Variants in NTM observed in about 807,000 individuals in gnomAD.
NTM encodes IgLON family member 2.
A neutral mutation model predicts 42.1 loss-of-function variants in NTM; 13 were observed. The ratio of observed to expected loss-of-function variants is 0.31; its 90% CI spans 0.20 to 0.49. NTM has a LOEUF of 0.49. Ranked by LOEUF, NTM falls within the 20% of genes least tolerant of loss-of-function variation. NTM has a pLI of 0.99. For missense variants in NTM, 373 were observed against 452.8 expected, an observed-to-expected ratio of 0.82 and a Z score of 1.60; for synonymous variants, 187 against 179.2, an observed-to-expected ratio of 1.04 and a Z score of -0.35.
intron 1 of NTM, among the ~76,000 whole-genome samples, chr11:131,469,315 T>G (rs1952196061): frequency 1.3e-5 from 2 of 152,354 alleles, no homozygotes; most frequent in South Asian, 2.1e-4. Context: ...TTATCTCACT[T>G]AATTCTCAGG....
At chr11:131,905,491 C>T (rs2053742161) in intron 1 of NTM, among the ~76,000 whole-genome samples, 1 of 152,120 alleles carries the variant, frequency 6.6e-6, no homozygotes, top group Non-Finnish European at 1.5e-5. Context: ...GTGCTGTCTT[C>T]TGCCATCCAC....
At chr11:131,929,486 T>C (rs898278737) in intron 2 of NTM, among the ~76,000 whole-genome samples, 10 of 149,588 alleles carry the variant, frequency 6.7e-5, no homozygotes, top group Non-Finnish European at 1.5e-4. Context: ...CTGTAACTTA[T>C]TGCCCTTATA....
intron 4 of NTM, among the ~76,000 whole-genome samples, chr11:132,226,890 T>C (rs1034009905): frequency 1.3e-5 from 2 of 152,234 alleles, no homozygotes; most frequent in East Asian, 3.8e-4. Context: ...GGGCTGCTGG[T>C]GTATACCATG....
intron 1 of NTM, among the ~76,000 whole-genome samples, chr11:131,864,138 A>G (rs1471275888): frequency 6.6e-6 from 1 of 152,192 alleles, no homozygotes; most frequent in African/African-American, 2.4e-5. Flanking sequence ...AAGACAAGAA[A>G]TAGAAGGACT....
At chr11:131,600,070 G>A (rs1240584636) in intron 1 of NTM, among the ~76,000 whole-genome samples, 4 of 152,206 alleles carry the variant, frequency 2.6e-5, no homozygotes, top group South Asian at 2.1e-4. Flanking sequence ...GAGCCACGTG[G>A]AGGAACTTGC....
At chr11:132,176,586 T>G (rs1485420863) in intron 3 of NTM, among the ~76,000 whole-genome samples, 1 of 152,132 alleles carries the variant, frequency 6.6e-6, no homozygotes, top group African/African-American at 2.4e-5. Context: ...TGTACATTTC[T>G]CAATAGGACA....
intron 1 of NTM, among the ~76,000 whole-genome samples, chr11:131,423,414 A>AC (rs1325637919): frequency 6.6e-6 from 1 of 152,196 alleles, no homozygotes; most frequent in African/African-American, 2.4e-5. Context: ...AAGATTCAGC[A>AC]CCCCCAAACA....
intron 1 of NTM, among the ~76,000 whole-genome samples, chr11:131,696,566 G>T (rs1565438214): frequency 6.6e-6 from 1 of 152,100 alleles, no homozygotes; most frequent in Non-Finnish European, 1.5e-5. Context: ...CGTACACCCT[G>T]TAGCTAAGTG....
intron 1 of NTM, among the ~76,000 whole-genome samples, chr11:131,489,088 G>A (rs1954493483): frequency 6.6e-6 from 1 of 152,158 alleles, no homozygotes; most frequent in African/African-American, 2.4e-5. Flanking sequence ...TCCAGCAGGT[G>A]GACCTTCCTC....
intron 2 of NTM, among the ~76,000 whole-genome samples, chr11:132,044,470 G>A (rs992087535): frequency 2.6e-5 from 4 of 152,134 alleles, no homozygotes; most frequent in Admixed American, 6.5e-5. Flanking sequence ...AGATGTGTCT[G>A]TTCAAGAGGA....
At chr11:131,813,517 G>A (rs542996167) in intron 1 of NTM, among the ~76,000 whole-genome samples, 1 of 152,130 alleles carries the variant, frequency 6.6e-6, no homozygotes, top group Non-Finnish European at 1.5e-5. Flanking sequence ...TTCTCTGGGG[G>A]AGTCTGGGAT....
At chr11:131,576,522 T>C (rs1017911310) in intron 1 of NTM, among the ~76,000 whole-genome samples, 4 of 152,206 alleles carry the variant, frequency 2.6e-5, no homozygotes, top group African/African-American at 9.6e-5. Context: ...TTCCTTTCAA[T>C]GTTCTCTCAA....
intron 1 of NTM, among the ~76,000 whole-genome samples, chr11:131,682,911 C>T (rs555098319): frequency 2.6e-5 from 4 of 152,082 alleles, no homozygotes; most frequent in Admixed American, 6.6e-5. Context: ...ACCTACCAGC[C>T]GGGACTGAGA....
intron 4 of NTM, among the ~76,000 whole-genome samples, chr11:132,234,310 G>A (rs547803693): frequency 6.6e-5 from 10 of 152,294 alleles, no homozygotes; most frequent in African/African-American, 2.2e-4. Flanking sequence ...CTTAGAGAGG[G>A]CCATCATCTT....
At chr11:132,220,914 A>G (rs2085019006) in intron 4 of NTM, among the ~76,000 whole-genome samples, 1 of 152,148 alleles carries the variant, frequency 6.6e-6, no homozygotes, top group South Asian at 2.1e-4. Context: ...CTCAACCAGC[A>G]CCCATAAGAG....
At chr11:131,684,340 A>G (rs1033688850) in intron 1 of NTM, among the ~76,000 whole-genome samples, 1 of 152,136 alleles carries the variant, frequency 6.6e-6, no homozygotes, top group African/African-American at 2.4e-5. Flanking sequence ...TTATAAAGCT[A>G]TAGTCACACA....
At chr11:131,429,838 A>C (rs1400972915) in intron 1 of NTM, among the ~76,000 whole-genome samples, 2 of 152,200 alleles carry the variant, frequency 1.3e-5, no homozygotes, top group East Asian at 3.9e-4. Flanking sequence ...GGTCTCCTGA[A>C]ATAGCTTGCA....
intron 4 of NTM, chr11:132,306,186 T>C (rs957326268): frequency 6.6e-6 from 1 of 152,196 alleles, no homozygotes; most frequent in African/African-American, 2.4e-5. Flanking sequence ...GTTGTTATTG[T>C]TATTGTGGTT....
chr11:131,483,883 G>A lies in NTM; in HGVS notation c.82+112995G>A, dbSNP rs546365186. On this transcript the variant is annotated intron_variant, in intron 1 of 8. Transcript: ENST00000683400. Reference sequence around the variant, plus strand: ...AGGAAGACTTCTGCCTGGCGCTGCCGGCCTTGGCATTTCCTCCACGAACCT... The same window carrying A: ...AGGAAGACTTCTGCCTGGCGCTGCCAGCCTTGGCATTTCCTCCACGAACCT... 5.3e-5 allele frequency among the ~76,000 whole-genome samples: 8 copies of A among 152,346 alleles called. No individual in the cohort carries two copies. In the East Asian group the frequency reaches 9.6e-4, roughly 18 times the overall value.
Sources: allele counts gnomAD v4.1 joint callset (sites outside exome capture counted in the v4.1 genomes callset), GRCh38; gene constraint gnomAD v4.1.1; transcripts MANE v1.5; gene names NCBI Gene and HGNC (gene_info 2026-07-23, HGNC 2026-07-21).